LAMA2: variants seen among roughly 807,000 people sequenced by gnomAD.
LAMA2 encodes the protein laminin subunit alpha-2.
Under a neutral mutation model 364.8 loss-of-function variants are expected in LAMA2, and 269 were observed. That is an observed-to-expected ratio of 0.74 (90% CI 0.67 to 0.82). The LOEUF (loss-of-function observed/expected upper bound fraction) is 0.82. LAMA2 is among the 40% of genes least tolerant of loss of function. The pLI is 0.00. For missense variants in LAMA2, 3,807 were observed against 3,873.2 expected, an observed-to-expected ratio of 0.98 and a Z score of 0.45; for synonymous variants, 1,379 against 1,370.6, an observed-to-expected ratio of 1.01 and a Z score of -0.14.
intron 1 of LAMA2, among the ~76,000 whole-genome samples, chr6:129,011,463 C>T (rs540266570): frequency 7.4e-4 from 113 of 152,292 alleles, no homozygotes; most frequent in African/African-American, 2.7e-3. Context: ...GCCCTTTGCA[C>T]ATTTATCAAA....
At chr6:129,487,599 T>C (rs1784656397) in intron 56 of LAMA2, among the ~76,000 whole-genome samples, 1 of 152,182 alleles carries the variant, frequency 6.6e-6, no homozygotes, top group African/African-American at 2.4e-5. Context: ...TATCCTGCAG[T>C]GAAAGACCTA....
chr6:128,883,468 CAGAG>C, intron 1 of LAMA2, 111 bp downstream of exon 1: 1 of 1,513,894 alleles, frequency 6.6e-7, no homozygotes, highest in Admixed American at 2.0e-5. Context: ...GCTTCGCCTT[CAGAG>C]AGTGCGCTCT....
chr6:128,968,408 G>A (rs1307734146), intron 1 of LAMA2, among the ~76,000 whole-genome samples: 2 of 152,128 alleles, frequency 1.3e-5, no homozygotes, highest in African/African-American at 4.8e-5. Context: ...TTATTTTAGA[G>A]GGGATAGGAA....
chr6:129,227,120 A>C (rs1375597828), intron 12 of LAMA2, among the ~76,000 whole-genome samples: 1 of 152,142 alleles, frequency 6.6e-6, no homozygotes, highest in Non-Finnish European at 1.5e-5. Context: ...CAGTTGATCG[A>C]ATCAGCTCCT....
Position 129,146,994 on chromosome 6 carries a change from G to A in LAMA2, c.855G>A (p.Gly285=), listed in dbSNP as rs1008267864. 4 of 1,611,892 alleles carry A rather than the reference G, an allele frequency of 2.5e-6. No individual in the cohort carries two copies. In the African/African-American group the frequency reaches 4.0e-5, roughly 16 times the overall value. ...YYSVKDISVG[G]MCICYGHARA... ...CGGTCAAGGATATTTCAGTTGGAGG[G>A]ATGTGCATCTGCTATGGTCATGCCA... The change falls in exon 6 of 65, where the codon GGG becomes GGA. Residue 285 remains glycine (G), a synonymous_variant. Transcript: ENST00000421865.
chr6:129,315,961 T>C lies in LAMA2; in HGVS notation c.3924+11T>C. On this transcript the variant is annotated intron_variant, in intron 26 of 64. Coordinates refer to ENST00000421865, the MANE Select transcript of LAMA2 (RefSeq NM_000426.4). ...ATTGAAATGACAGAGGTAAAGTTAG[T>C]CATTGTTTGGTGCAAAGATACCAAT... 1 of 1,614,074 alleles carries C rather than the reference T, an allele frequency of 6.2e-7. No homozygotes were observed. Among genetic ancestry groups the C allele is most frequent in the Non-Finnish European group, 8.5e-7 (1 of 1,179,986 alleles).
At chr6:129,394,079 T>G (rs1446064925) in intron 37 of LAMA2, among the ~76,000 whole-genome samples, 1 of 152,190 alleles carries the variant, frequency 6.6e-6, no homozygotes, top group African/African-American at 2.4e-5. Flanking sequence ...TTCTTAATCT[T>G]AACATAGTAA....
chr6:128,922,677 T>C (rs1331200521), intron 1 of LAMA2, among the ~76,000 whole-genome samples: 1 of 152,092 alleles, frequency 6.6e-6, no homozygotes, highest in East Asian at 1.9e-4. Flanking sequence ...ACTCTGCTGG[T>C]AGTTTCTTTT....
At chr6:128,948,770 C>T (rs1355874177) in intron 1 of LAMA2, among the ~76,000 whole-genome samples, 2 of 152,076 alleles carry the variant, frequency 1.3e-5, no homozygotes, top group African/African-American at 2.4e-5. Flanking sequence ...ATTGGGATCT[C>T]CCCCTGCTCT....
chr6:129,174,284 A>C (rs1332168999), intron 9 of LAMA2, among the ~76,000 whole-genome samples: 2 of 152,004 alleles, frequency 1.3e-5, no homozygotes, highest in Non-Finnish European at 2.9e-5. Flanking sequence ...TCATAAGGAA[A>C]TTTTCAAACT....
chr6:129,083,381 C>T (rs1245048265), intron 3 of LAMA2, among the ~76,000 whole-genome samples: 1 of 152,186 alleles, frequency 6.6e-6, no homozygotes. Flanking sequence ...GGGAATACCA[C>T]TGACTTTATG....
chr6:129,040,918 A>G (rs563999520), intron 1 of LAMA2, among the ~76,000 whole-genome samples: 1 of 152,352 alleles, frequency 6.6e-6, no homozygotes, highest in African/African-American at 2.4e-5. Context: ...GCAGAGCTAG[A>G]TGGCATAAGA....
At chr6:128,932,785 AAATT>A (rs1423595925) in intron 1 of LAMA2, among the ~76,000 whole-genome samples, 2 of 152,220 alleles carry the variant, frequency 1.3e-5, no homozygotes, top group Admixed American at 1.3e-4. Context: ...TACCACAACC[AAATT>A]AATTAATACG....
rs150798833 is a variant in LAMA2 at position 129,467,865 on chromosome 6, T to A, written c.7300+2576T>A. On this transcript the variant is annotated intron_variant, in intron 51 of 64. Coordinates refer to ENST00000421865, the MANE Select transcript of LAMA2 (RefSeq NM_000426.4). Reference sequence around the variant, plus strand: ...TACAGCATTCCATCAATTCAGAAAGTTCTTCCCCCAATAGGTCTAATTTTT... The same window carrying A: ...TACAGCATTCCATCAATTCAGAAAGATCTTCCCCCAATAGGTCTAATTTTT... 1.9e-4 allele frequency among the ~76,000 whole-genome samples: 29 copies of A among 152,026 alleles called. 1 individual carries two copies. Among genetic ancestry groups the A allele is most frequent in the Admixed American group, 1.6e-3 (25 of 15,226 alleles).
chr6:129,204,647 A>G (rs1782505383), intron 12 of LAMA2, among the ~76,000 whole-genome samples: 1 of 152,226 alleles, frequency 6.6e-6, no homozygotes, highest in Admixed American at 6.5e-5. Context: ...TGTAGCCTCT[A>G]GAACTGTGAA....
chr6:128,897,477 T>C (rs1434509078), intron 1 of LAMA2, among the ~76,000 whole-genome samples: 1 of 152,218 alleles, frequency 6.6e-6, no homozygotes, highest in Non-Finnish European at 1.5e-5. Flanking sequence ...TTTCTCTTTG[T>C]TGTTGTATGA....
chr6:129,048,127 G>A (rs140091476), intron 1 of LAMA2, among the ~76,000 whole-genome samples: 216 of 152,314 alleles, frequency 1.4e-3, no homozygotes, highest in African/African-American at 4.8e-3. Flanking sequence ...AACAGTGTCT[G>A]ACAATAGTGC....
intron 42 of LAMA2, among the ~76,000 whole-genome samples, chr6:129,439,521 C>A (rs1418963633): frequency 6.6e-6 from 1 of 152,064 alleles, no homozygotes; most frequent in Non-Finnish European, 1.5e-5. Flanking sequence ...CCACTGCATT[C>A]TCTCTTGATA....
At chr6:129,049,455 A>G (rs980672134) in intron 1 of LAMA2, among the ~76,000 whole-genome samples, 2 of 152,098 alleles carry the variant, frequency 1.3e-5, no homozygotes, top group Non-Finnish European at 2.9e-5. Context: ...TTTAATAATT[A>G]TTTACACTGA....
Sources: allele counts gnomAD v4.1 joint callset (sites outside exome capture counted in the v4.1 genomes callset), GRCh38; gene constraint gnomAD v4.1.1; transcripts MANE v1.5; gene names NCBI Gene and HGNC (gene_info 2026-07-23, HGNC 2026-07-21).